Variants in CHLSN observed in about 807,000 individuals in gnomAD.
The protein encoded by CHLSN is cholesin, also known as protein cholesin.
chr7:1,074,818 G>A, the CHLSN span: 2,772 of 152,614 alleles, frequency 0.018, 110 homozygotes, highest in East Asian at 0.18. Flanking sequence ...CCGAGCAGCC[G>A]CTCGAGGGAC....
At chr7:1,064,985 G>A in the CHLSN span, among the ~76,000 whole-genome samples, 1 of 152,264 alleles carries the variant, frequency 6.6e-6, no homozygotes, top group Non-Finnish European at 1.5e-5. Flanking sequence ...AAAAGACAGC[G>A]TTCCCCGCTG....
At chr7:1,030,283 C>A in the CHLSN span, among the ~76,000 whole-genome samples, 1 of 152,218 alleles carries the variant, frequency 6.6e-6, no homozygotes. Flanking sequence ...CACCAACGCA[C>A]CAACTCGCAC....
the CHLSN span, among the ~76,000 whole-genome samples, chr7:1,136,607 T>C: frequency 1.9e-3 from 266 of 136,826 alleles, 2 homozygotes; most frequent in African/African-American, 4.6e-3. Context: ...CATATATAAA[T>C]ATATATAAAT....
At chr7:1,058,155 C>T in the CHLSN span, 61 of 739,336 alleles carry the variant, frequency 8.3e-5, no homozygotes, top group South Asian at 3.3e-4. Context: ...CTCCCGCGTC[C>T]GCAGGGAGGA....
chr7:1,115,205 T>C, the CHLSN span, among the ~76,000 whole-genome samples: 8 of 152,362 alleles, frequency 5.3e-5, no homozygotes, highest in African/African-American at 1.9e-4. Context: ...GAGTGTTTCT[T>C]GGGGAGAGGG....
At chr7:989,231 C>T in the CHLSN span, 1 of 209,930 alleles carries the variant, frequency 4.8e-6, no homozygotes, top group Admixed American at 5.3e-5. Flanking sequence ...CGTGCGAGCC[C>T]TGCACCCCCC....
At chr7:1,070,552 GCACA>G in the CHLSN span, among the ~76,000 whole-genome samples, 1 of 144,074 alleles carries the variant, frequency 6.9e-6, no homozygotes, top group African/African-American at 2.6e-5. Flanking sequence ...AGGGACACAC[GCACA>G]CACGTGCACA....
chr7:1,075,251 C>T, the CHLSN span, among the ~76,000 whole-genome samples: 4 of 152,222 alleles, frequency 2.6e-5, no homozygotes, highest in Non-Finnish European at 5.9e-5. Context: ...CGGTGGCTCA[C>T]GCCTGTAATC....
the CHLSN span, among the ~76,000 whole-genome samples, chr7:1,101,527 C>T: frequency 6.6e-6 from 1 of 152,258 alleles, no homozygotes; most frequent in Non-Finnish European, 1.5e-5. Context: ...TTCCTGCTCC[C>T]GCCCCTTCCC....
chr7:1,123,710 A>G, the CHLSN span, among the ~76,000 whole-genome samples: 169 of 151,858 alleles, frequency 1.1e-3, no homozygotes, highest in East Asian at 0.015. This position sits in a 1 kb window ranked among gnomAD's most constrained non-coding sequence, Gnocchi z 4.4. Context: ...GACATACAAG[A>G]ACATGAGCCC....
the CHLSN span, among the ~76,000 whole-genome samples, chr7:1,029,595 C>T: frequency 6.6e-6 from 1 of 152,224 alleles, no homozygotes; most frequent in African/African-American, 2.4e-5. Context: ...TGCGAGGGAG[C>T]CGCACTGGCC....
chr7:1,102,257 G>A, the CHLSN span, among the ~76,000 whole-genome samples: 1 of 152,266 alleles, frequency 6.6e-6, no homozygotes, highest in Non-Finnish European at 1.5e-5. Flanking sequence ...CCCAGCACAC[G>A]GCTCTAGAGA....
At chr7:1,026,520 G>C in the CHLSN span, 6 of 152,226 alleles carry the variant, frequency 3.9e-5, no homozygotes, top group Admixed American at 1.3e-4. Flanking sequence ...TCTAAGACAG[G>C]CAGGCAGCTC....
At chr7:1,133,816 C>CTT in the CHLSN span, among the ~76,000 whole-genome samples, 48 of 151,296 alleles carry the variant, frequency 3.2e-4, no homozygotes, top group African/African-American at 1.1e-3. Context: ...GGAGAAAGAT[C>CTT]ATTTGCTATA....
chr7:983,164 G>C, the CHLSN span: 9 of 1,428,400 alleles, frequency 6.3e-6, no homozygotes, highest in Non-Finnish European at 8.3e-6. Context: ...AAGGGTGCGG[G>C]GGGGACGGGG....
At chr7:1,031,142 C>T in the CHLSN span, among the ~76,000 whole-genome samples, 1 of 152,224 alleles carries the variant, frequency 6.6e-6, no homozygotes, top group Non-Finnish European at 1.5e-5. Flanking sequence ...GAAGGGCCCC[C>T]AGATAGCTGG....
chr7:1,100,701 C>A, the CHLSN span, among the ~76,000 whole-genome samples: 4 of 152,084 alleles, frequency 2.6e-5, no homozygotes, highest in African/African-American at 9.7e-5. Flanking sequence ...GTGAAATGTC[C>A]CCAGCCGGAG....
the CHLSN span, among the ~76,000 whole-genome samples, chr7:995,522 C>A: frequency 6.6e-6 from 1 of 152,252 alleles, no homozygotes; most frequent in Non-Finnish European, 1.5e-5. Context: ...ATCAGCCCTG[C>A]CTTCTGGAGG....
At chr7:1,054,922 C>T in the CHLSN span, among the ~76,000 whole-genome samples, 8 of 152,214 alleles carry the variant, frequency 5.3e-5, no homozygotes, top group African/African-American at 9.6e-5. Context: ...GGCCTTCGCT[C>T]GACAGTAGAC....
Sources: allele counts gnomAD v4.1 joint callset (sites outside exome capture counted in the v4.1 genomes callset), GRCh38; gene constraint gnomAD v4.1.1; non-coding constraint Gnocchi (gnomAD v3.1); transcripts MANE v1.5; gene names NCBI Gene and HGNC (gene_info 2026-07-23, HGNC 2026-07-21).